FAM3C: variants seen among roughly 807,000 people sequenced by gnomAD.
FAM3C encodes FAM3 metabolism regulating signaling molecule C, also known as protein FAM3C.
FAM3C carries 15 observed loss-of-function variants against 32.5 expected under a neutral mutation model. The observed-to-expected ratio is 0.46, with a 90% CI of 0.31 to 0.71. The LOEUF (loss-of-function observed/expected upper bound fraction) is 0.71, where lower values mean the gene tolerates loss of function less well. Among genes scored for constraint, FAM3C ranks in the 30% least tolerant of loss-of-function variants. FAM3C has a pLI of 0.05. For missense variants in FAM3C, 175 were observed against 274.4 expected, an observed-to-expected ratio of 0.64 and a Z score of 2.56; for synonymous variants, 75 against 86.1, an observed-to-expected ratio of 0.87 and a Z score of 0.72.
chr7:121,361,285 T>C (rs1793914996), intron 7 of FAM3C, among the ~76,000 whole-genome samples: 1 of 152,222 alleles, frequency 6.6e-6, no homozygotes, highest in African/African-American at 2.4e-5. Flanking sequence ...ATGTACTCAG[T>C]TTCTTTCCAC....
intron 3 of FAM3C, among the ~76,000 whole-genome samples, chr7:121,378,702 A>C (rs555121287): frequency 8.4e-6 from 1 of 118,350 alleles, no homozygotes; most frequent in Non-Finnish European, 1.8e-5. Context: ...ACATATGTTC[A>C]AAATGTTGAA....
rs1024343592 is a variant in FAM3C, at chr7:121,351,211, G to A, written c.526C>T (p.Leu176Phe). Residue 176 changes from leucine (L) to phenylalanine (F), a missense_variant, in exon 9 of 10, where the codon CTT (leucine) becomes TTT (phenylalanine). Coordinates refer to ENST00000359943, the MANE Select transcript of FAM3C (RefSeq NM_014888.3). The stretch of plus-strand genomic sequence containing the variant: ...AAGACCCAGTTGTCTCTAAAACCAA[G>A]ATTAGTAATAGATGTGCTCCCCAAA... The part of the protein sequence containing the change: ...ADLGSTSITN[L>F]GFRDNWVFCG... The A allele has an allele frequency of 1.2e-6, 2 of 1,613,626 alleles. No individual in the cohort carries two copies. Among genetic ancestry groups the A allele is most frequent in the Non-Finnish European group, 1.7e-6 (2 of 1,179,734 alleles).
intron 3 of FAM3C, among the ~76,000 whole-genome samples, chr7:121,372,510 A>C (rs1794168856): frequency 6.6e-6 from 1 of 152,260 alleles, no homozygotes; most frequent in Middle Eastern, 3.4e-3. Flanking sequence ...TTGCTGCTGT[A>C]TGGTGTTGTA....
chr7:121,389,404 C>T (rs1160775520), intron 1 of FAM3C, among the ~76,000 whole-genome samples: 1 of 152,108 alleles, frequency 6.6e-6, no homozygotes, highest in Admixed American at 6.5e-5. Flanking sequence ...CCTCTATACC[C>T]AAATATAACA....
chr7:121,390,813 C>T lies in FAM3C; in HGVS notation c.-42+5349G>A, dbSNP rs568540031. ...CTCAGATCTGAGAGCTTCAGATCTA[C>T]AGCACACCAATCCACACACACAGGA... On this transcript the variant is annotated intron_variant, in intron 1 of 9. Coordinates refer to ENST00000359943, the MANE Select transcript of FAM3C (RefSeq NM_014888.3). 1.0e-4 allele frequency among the ~76,000 whole-genome samples: 13 copies of T among 123,882 alleles called. 1 individual carries two copies. The highest frequency in any genetic ancestry group is 3.9e-4 in the African/African-American group (12 of 31,102). The allele number at this position is 123,882 out of a possible 152,430, so 81.3% of individuals were successfully genotyped here. A position where few individuals can be genotyped will look rare whatever the true frequency, so the allele number is the denominator to read the frequency against.
At chr7:121,384,395 G>A (rs1045826987) in intron 1 of FAM3C, among the ~76,000 whole-genome samples, 15 of 152,236 alleles carry the variant, frequency 9.9e-5, no homozygotes, top group African/African-American at 3.6e-4. Flanking sequence ...ACCCCAACTG[G>A]TTATAAATCC....
At chr7:121,380,773 G>A (rs988283606) in intron 2 of FAM3C, among the ~76,000 whole-genome samples, 9 of 124,746 alleles carry the variant, frequency 7.2e-5, no homozygotes, top group African/African-American at 2.3e-4. Flanking sequence ...CACATATACC[G>A]TTTACTTAGT....
chr7:121,357,561 T>C (rs1371139091), intron 8 of FAM3C, among the ~76,000 whole-genome samples: 1 of 152,162 alleles, frequency 6.6e-6, no homozygotes, highest in African/African-American at 2.4e-5. Flanking sequence ...CATTTCAGTA[T>C]AAAAGATATG....
At chr7:121,384,735 TCA>T (rs1794433670) in intron 1 of FAM3C, among the ~76,000 whole-genome samples, 1 of 152,214 alleles carries the variant, frequency 6.6e-6, no homozygotes, top group African/African-American at 2.4e-5. Context: ...TTAAAATGTC[TCA>T]GAGAATTCAC....
At chr7:121,375,199 T>C (rs1316436463) in intron 3 of FAM3C, among the ~76,000 whole-genome samples, 6 of 152,102 alleles carry the variant, frequency 3.9e-5, no homozygotes, top group Admixed American at 3.9e-4. Flanking sequence ...AAAGGAGCAA[T>C]ACATTCTTAA....
Position 121,350,211 on chromosome 7 carries a change from T to C in FAM3C, c.*250A>G, listed in dbSNP as rs1793675805. The C allele has an allele frequency of 4.4e-6, 2 of 450,490 alleles. No individual in the cohort carries two copies. The highest frequency in any genetic ancestry group is 7.7e-5 in the Admixed American group (2 of 26,116). The allele number at this position is 450,490 out of a possible 1,614,324, so 27.9% of individuals were successfully genotyped here. ...TTAGAATTTAAAATATGTATTACCATAGCAGTCTAAACATTGTACTTTTAG... is the reference window on the plus strand; with the variant it reads ...TTAGAATTTAAAATATGTATTACCACAGCAGTCTAAACATTGTACTTTTAG... On this transcript the variant is annotated 3_prime_UTR_variant, in exon 10 of 10. Coordinates refer to ENST00000359943, the MANE Select transcript of FAM3C (RefSeq NM_014888.3).
intron 3 of FAM3C, among the ~76,000 whole-genome samples, chr7:121,375,330 G>A (rs1214782211): frequency 3.3e-5 from 5 of 152,192 alleles, no homozygotes. Flanking sequence ...GAAAGGACAG[G>A]AGGGGATTTG....
At position 121,372,141 on chromosome 7, in the gene FAM3C, TG is replaced by T. The variant is rs768820707; in HGVS notation, c.119-3del. On this transcript the variant is annotated splice_region_variant and splice_polypyrimidine_tract_variant and intron_variant, in intron 3 of 9. Transcript: ENST00000359943. ...CAGCTGTGTCCAATGCTGATCTTGC[TG>T]AAAAAAAAAAATTACTTTTGTTAGA... is the stretch of plus-strand genomic sequence containing the variant. 3.1e-6 allele frequency: 5 copies of T among 1,599,124 alleles called. No individual in the cohort carries two copies. The highest frequency in any genetic ancestry group is 4.5e-5 in the East Asian group (2 of 44,688).
intron 8 of FAM3C, among the ~76,000 whole-genome samples, chr7:121,354,204 A>G (rs990421996): frequency 2.6e-5 from 4 of 152,210 alleles, no homozygotes; most frequent in South Asian, 2.1e-4. Flanking sequence ...GGCAGCAAAT[A>G]TATTTTTATA....
At chr7:121,372,612 A>C (rs2116920959) in intron 3 of FAM3C, among the ~76,000 whole-genome samples, 1 of 152,290 alleles carries the variant, frequency 6.6e-6, no homozygotes, top group East Asian at 1.9e-4. Flanking sequence ...GGGATGAGGA[A>C]GATCATTACT....
intron 8 of FAM3C, among the ~76,000 whole-genome samples, chr7:121,358,462 A>G (rs1032107870): frequency 2.0e-5 from 3 of 152,074 alleles, no homozygotes; most frequent in South Asian, 2.1e-4. Flanking sequence ...TTTTCTAGAA[A>G]GAAGAACATT....
intron 5 of FAM3C, among the ~76,000 whole-genome samples, chr7:121,371,067 C>A (rs1794135047): frequency 6.6e-6 from 1 of 152,154 alleles, no homozygotes; most frequent in South Asian, 2.1e-4. Flanking sequence ...CAGAGGAAAT[C>A]TCTTATCTCT....
intron 8 of FAM3C, among the ~76,000 whole-genome samples, chr7:121,351,922 T>C (rs1039205771): frequency 2.0e-5 from 3 of 152,178 alleles, no homozygotes; most frequent in African/African-American, 7.2e-5. Context: ...CTAAAAAATT[T>C]TGTGTAAGTG....
intron 1 of FAM3C, among the ~76,000 whole-genome samples, chr7:121,383,361 A>G (rs1794399612): frequency 6.6e-6 from 1 of 152,174 alleles, no homozygotes; most frequent in Non-Finnish European, 1.5e-5. Flanking sequence ...GATGATGTCC[A>G]AAGAGGTTAA....
Sources: allele counts gnomAD v4.1 joint callset (sites outside exome capture counted in the v4.1 genomes callset), GRCh38; gene constraint gnomAD v4.1.1; transcripts MANE v1.5; gene names NCBI Gene and HGNC (gene_info 2026-07-23, HGNC 2026-07-21).